The following CLASRP variants were observed in gnomAD, a reference collection of about 807,000 sequenced individuals.
The protein encoded by CLASRP is CLK4-associating serine/arginine rich protein.
A neutral mutation model predicts 99.9 loss-of-function variants in CLASRP; 52 were observed. The ratio of observed to expected loss-of-function variants is 0.52; its 90% CI spans 0.42 to 0.66. The LOEUF (loss-of-function observed/expected upper bound fraction) is 0.66, where lower values mean the gene tolerates loss of function less well. Ranked by LOEUF, CLASRP falls within the 30% of genes least tolerant of loss-of-function variation. The pLI is 0.00. For synonymous variants in CLASRP, 379 were observed against 373.0 expected (o/e 1.02, Z -0.18); for missense variants, 848 against 999.2 (o/e 0.85, Z 2.04).
At chr19:45,053,733 G>T (rs1479435011) in intron 5 of CLASRP, among the ~76,000 whole-genome samples, 1 of 152,092 alleles carries the variant, frequency 6.6e-6, no homozygotes, top group Non-Finnish European at 1.5e-5. Flanking sequence ...GCTCACCTTG[G>T]CCTCCCAAAG....
At chr19:45,053,522 A>G (rs1312682109) in intron 5 of CLASRP, among the ~76,000 whole-genome samples, 1 of 152,200 alleles carries the variant, frequency 6.6e-6, no homozygotes, top group Non-Finnish European at 1.5e-5. Context: ...CTTGTTGCCC[A>G]GGCTGGAGTG....
At chr19:45,056,173 C>G (rs1972115131) in intron 5 of CLASRP, among the ~76,000 whole-genome samples, 1 of 152,102 alleles carries the variant, frequency 6.6e-6, no homozygotes, top group Admixed American at 6.5e-5. Context: ...TGCCCAAGTA[C>G]CAGGCCAGGC....
intron 7 of CLASRP, chr19:45,058,275 CCCT>C (rs1972160345): frequency 4.4e-6 from 1 of 225,482 alleles, no homozygotes; most frequent in Admixed American, 4.8e-5. Flanking sequence ...CATCTGTTCA[CCCT>C]CCTCTCTGCC....
chr19:45,062,091 C>G lies in CLASRP; in HGVS notation c.864-63C>G. 3 of 1,004,058 alleles carry G rather than the reference C, an allele frequency of 3.0e-6. No individual in the cohort carries two copies. In the South Asian group the frequency reaches 3.9e-5, roughly 13 times the overall value. 62.2% of individuals were successfully genotyped at this position (1,004,058 alleles called of 1,614,324 possible). On this transcript the variant is annotated intron_variant, in intron 10 of 20. Coordinates refer to ENST00000221455, the MANE Select transcript of CLASRP (RefSeq NM_007056.3). The stretch of plus-strand genomic sequence containing the variant: ...GGGTCCTCAGGTTGGCGGGCTTATC[C>G]CAAATTCATGACTGCTGAGATCTTA...
chr19:45,059,834 C>T (rs1393992084), intron 8 of CLASRP, among the ~76,000 whole-genome samples: 2 of 152,160 alleles, frequency 1.3e-5, no homozygotes, highest in Non-Finnish European at 2.9e-5. Context: ...GTGGCTCCCA[C>T]CTCCCTCAGG....
At chr19:45,058,838 C>A (rs1032689076) in intron 7 of CLASRP, among the ~76,000 whole-genome samples, 1 of 151,948 alleles carries the variant, frequency 6.6e-6, no homozygotes. Context: ...ATCTTTCCGC[C>A]CCTGTTCAGT....
At chr19:45,058,193 C>T (rs1972158139) in intron 7 of CLASRP, 2 of 416,492 alleles carry the variant, frequency 4.8e-6, no homozygotes, top group African/African-American at 4.0e-5. Context: ...CTTTGCCCCT[C>T]TCTCCTGCTC....
At chr19:45,040,477 G>A in intron 2 of CLASRP, 166 bp downstream of exon 2, 1 of 544,724 alleles carries the variant, frequency 1.8e-6, no homozygotes, top group Non-Finnish European at 3.4e-6. Context: ...GGGATCCCAA[G>A]GGCTTCTGTT....
intron 16 of CLASRP, 113 bp downstream of exon 16, chr19:45,068,593 G>C (rs1017472441): frequency 1.2e-6 from 1 of 814,018 alleles, no homozygotes; most frequent in East Asian, 2.5e-5. Context: ...GAGAGGCCAC[G>C]CAGGCACGGA....
At chr19:45,046,448 C>T (rs575739669) in intron 2 of CLASRP, among the ~76,000 whole-genome samples, 1 of 152,282 alleles carries the variant, frequency 6.6e-6, no homozygotes, top group African/African-American at 2.4e-5. Flanking sequence ...GCTCAGGCGT[C>T]GCCTCCTCCA....
rs1195414644 is a variant in CLASRP at position 45,069,121 on chromosome 19, G to T, written c.1824G>T (p.Arg608=). The T allele has an allele frequency of 6.2e-7, 1 of 1,614,180 alleles. No individual in the cohort carries two copies. The highest frequency in any genetic ancestry group is 8.5e-7 in the Non-Finnish European group (1 of 1,180,026). The part of the protein sequence containing the change: ...QEKMIQQEHE[R]QEREDELRAM... ...AGATGATCCAGCAGGAGCATGAGCG[G>T]CAGGTGAAGTGGGAAAGGGAGGGCT... The change falls in exon 17 of 21, where the codon CGG becomes CGT. Residue 608 remains arginine, a synonymous_variant. Transcript: ENST00000221455.
chr19:45,049,959 G>A (rs1235656334), intron 2 of CLASRP, among the ~76,000 whole-genome samples: 1 of 152,226 alleles, frequency 6.6e-6, no homozygotes. Flanking sequence ...AAGCCACAGA[G>A]TGAAGGAGCT....
intron 10 of CLASRP, 101 bp from the exon 11 acceptor site, chr19:45,062,052 AG>A: frequency 1.3e-6 from 1 of 792,632 alleles, no homozygotes; most frequent in Non-Finnish European, 2.2e-6. Context: ...TCACTGTGCC[AG>A]GTACCTAGCT....
At chr19:45,056,350 G>A in intron 5 of CLASRP, 100 bp from the exon 6 acceptor site, 1 of 955,572 alleles carries the variant, frequency 1.0e-6, no homozygotes, top group Non-Finnish European at 1.7e-6. Flanking sequence ...GGTGCACTGG[G>A]GTTGCACCTG....
intron 2 of CLASRP, among the ~76,000 whole-genome samples, chr19:45,042,313 T>C (rs1406104406): frequency 1.3e-5 from 2 of 152,002 alleles, no homozygotes; most frequent in Non-Finnish European, 2.9e-5. Flanking sequence ...CCTGGACTCT[T>C]CTAGGGAGGA....
At chr19:45,043,625 G>A (rs940143374) in intron 2 of CLASRP, among the ~76,000 whole-genome samples, 1 of 152,108 alleles carries the variant, frequency 6.6e-6, no homozygotes, top group African/African-American at 2.4e-5. Flanking sequence ...GGCCATGTGA[G>A]AGATGCAGGA....
rs1211948448 is a variant in CLASRP at position 45,067,084 on chromosome 19, G to A, written c.1410-253G>A. ...AGCGGGTGTCTAGTGAGGGAGAGGT[G>A]ACGTGGGCCAGGCAGGGCTCATGAT... On this transcript the variant is annotated intron_variant, in intron 13 of 20. Transcript: ENST00000221455. The surrounding 1 kb of genome is among the most constrained non-coding windows in gnomAD (Gnocchi z 4.9). 6.6e-6 allele frequency among the ~76,000 whole-genome samples: 1 copy of A among 152,230 alleles called. No individual in the cohort carries two copies. Among genetic ancestry groups the A allele is most frequent in the African/African-American group, 2.4e-5 (1 of 41,468 alleles).
At chr19:45,069,547 A>C in intron 18 of CLASRP, 2 of 542,152 alleles carry the variant, frequency 3.7e-6, no homozygotes, top group South Asian at 4.4e-5. Context: ...CCCCTTCCCC[A>C]CTCACCCACC....
intron 2 of CLASRP, among the ~76,000 whole-genome samples, chr19:45,042,877 A>G (rs190524357): frequency 6.6e-5 from 10 of 152,240 alleles, no homozygotes; most frequent in Admixed American, 6.5e-4. Flanking sequence ...TCGGCCTCCC[A>G]AAGTGCTGGG....
Sources: allele counts gnomAD v4.1 joint callset (sites outside exome capture counted in the v4.1 genomes callset), GRCh38; gene constraint gnomAD v4.1.1; non-coding constraint Gnocchi (gnomAD v3.1); transcripts MANE v1.5; gene names NCBI Gene and HGNC (gene_info 2026-07-23, HGNC 2026-07-21).